Variants in TRIM2 observed in about 807,000 individuals in gnomAD.
TRIM2 encodes tripartite motif containing 2, also known as tripartite motif-containing protein 2.
In TRIM2, 20 loss-of-function variants were observed where a neutral mutation model predicts 75.2. The ratio of observed to expected loss-of-function variants is 0.27; its 90% CI spans 0.19 to 0.39. The LOEUF (loss-of-function observed/expected upper bound fraction) is 0.39, where lower values mean the gene tolerates loss of function less well. TRIM2 is among the 10% of genes least tolerant of loss of function. TRIM2 has a pLI of 1.00. For synonymous variants in TRIM2, 373 were observed against 388.3 expected (o/e 0.96, Z 0.46); for missense variants, 660 against 990.8 (o/e 0.67, Z 4.48).
intron 1 of TRIM2, among the ~76,000 whole-genome samples, chr4:153,162,973 G>C (rs1729893319): frequency 6.6e-6 from 1 of 152,166 alleles, no homozygotes; most frequent in African/African-American, 2.4e-5. Context: ...GTCTTTCTAA[G>C]AGGTAAGATT....
At chr4:153,217,845 A>G (rs1030345170) in intron 1 of TRIM2, among the ~76,000 whole-genome samples, 2 of 152,248 alleles carry the variant, frequency 1.3e-5, no homozygotes, top group Admixed American at 6.5e-5. Context: ...ATTTTCTCCA[A>G]GTTCTCCAAA....
In TRIM2 at chr4:153,315,598, C is replaced by T; in HGVS notation, c.1614+10C>T. On this transcript the variant is annotated intron_variant, in intron 7 of 11. Coordinates refer to ENST00000338700, the MANE Select transcript of TRIM2 (RefSeq NM_015271.5). ...CAACCAATGTGTGCAGGTATAGCCC[C>T]TAATTATATACCTTTAACTACTTAT... 6.3e-7 allele frequency: 1 copy of T among 1,583,628 alleles called. No individual in the cohort carries two copies. Among genetic ancestry groups the T allele is most frequent in the East Asian group, 2.2e-5 (1 of 44,468 alleles).
In TRIM2 at chr4:153,164,388, C is replaced by G. The variant is rs573452430; in HGVS notation, c.-49+11118C>G. ...AATACAGCAGTCTCTTTTCTCCTTACTAAAAGAGGCTTCCTCCCTAAAGAC... is the reference window on the plus strand; with the variant it reads ...AATACAGCAGTCTCTTTTCTCCTTAGTAAAAGAGGCTTCCTCCCTAAAGAC... On this transcript the variant is annotated intron_variant, in intron 1 of 11. Transcript: ENST00000437508. Among the ~76,000 whole-genome samples, 4 of 152,318 alleles carry G rather than the reference C, an allele frequency of 2.6e-5. No individual in the cohort carries two copies. The South Asian group carries it at 8.3e-4, about 32-fold the overall frequency.
intron 1 of TRIM2, among the ~76,000 whole-genome samples, chr4:153,184,838 T>A (rs1732430400): frequency 6.6e-6 from 1 of 152,226 alleles, no homozygotes; most frequent in Non-Finnish European, 1.5e-5. Flanking sequence ...CATGTTCTGC[T>A]GCCACCTTCA....
chr4:153,160,026 G>C (rs1464134898), intron 1 of TRIM2, among the ~76,000 whole-genome samples: 1 of 152,100 alleles, frequency 6.6e-6, no homozygotes, highest in Non-Finnish European at 1.5e-5. Context: ...TTTTGGTTTG[G>C]TGATGAGTAA....
At chr4:153,309,132 T>C (rs1765678430) in intron 6 of TRIM2, among the ~76,000 whole-genome samples, 1 of 152,186 alleles carries the variant, frequency 6.6e-6, no homozygotes, top group South Asian at 2.1e-4. Context: ...AAATAAAGTA[T>C]CATGTGTTAA....
intron 1 of TRIM2, among the ~76,000 whole-genome samples, chr4:153,199,295 A>G (rs558544847): frequency 1.3e-5 from 2 of 152,302 alleles, no homozygotes; most frequent in African/African-American, 4.8e-5. Flanking sequence ...GTTAAAATGA[A>G]CTGAGTTCAA....
chr4:153,159,133 T>C (rs1037170599), intron 1 of TRIM2, among the ~76,000 whole-genome samples: 25 of 152,302 alleles, frequency 1.6e-4, no homozygotes, highest in African/African-American at 6.0e-4. Context: ...GAGTATTTTT[T>C]TCAGGACAAA....
intron 8 of TRIM2, among the ~76,000 whole-genome samples, chr4:153,317,490 T>C (rs1767929974): frequency 1.3e-5 from 2 of 149,684 alleles, no homozygotes; most frequent in Non-Finnish European, 3.0e-5. Flanking sequence ...CTACTAAAAA[T>C]ACAAAAAAAT....
intron 8 of TRIM2, among the ~76,000 whole-genome samples, chr4:153,321,092 G>GCGT (rs1768871216): frequency 6.6e-6 from 1 of 152,094 alleles, no homozygotes; most frequent in South Asian, 2.1e-4. Flanking sequence ...GTCTGCTGTG[G>GCGT]CGTCATCAAG....
intron 1 of TRIM2, among the ~76,000 whole-genome samples, chr4:153,174,066 C>T (rs930459301): frequency 3.8e-5 from 2 of 53,284 alleles, no homozygotes; most frequent in African/African-American, 2.2e-4. Context: ...AGCCCCAGGC[C>T]CCCGGGTGGG....
chr4:153,295,761 A>G lies in TRIM2; in HGVS notation c.1235A>G (p.Lys412Arg). Residue 412 changes from lysine to arginine, a missense_variant, in exon 6 of 12, where the codon AAG becomes AGG. By Grantham distance (26) the Lys-to-Arg change is conservative. Transcript: ENST00000338700. The surrounding 1 kb of genome is among the most constrained non-coding windows in gnomAD (Gnocchi z 7.2). Reference sequence around the variant, plus strand: ...GCAGACGGGGAGATCCTGGACAACAAGAACGGCACCTATGAGTTTTTGTAC... The same window carrying G: ...GCAGACGGGGAGATCCTGGACAACAGGAACGGCACCTATGAGTTTTTGTAC... Reference protein sequence around the residue: ...SVADGEILDNKNGTYEFLYTV... With the variant: ...SVADGEILDNRNGTYEFLYTV... The G allele has an allele frequency of 1.2e-6, 2 of 1,614,102 alleles. No homozygotes were observed. The highest frequency in any genetic ancestry group is 8.5e-7 in the Non-Finnish European group (1 of 1,180,002).
At chr4:153,264,920 C>G (rs147881145) in intron 1 of TRIM2, among the ~76,000 whole-genome samples, 2 of 152,272 alleles carry the variant, frequency 1.3e-5, no homozygotes, top group African/African-American at 4.8e-5. Flanking sequence ...ATCTGTGATA[C>G]TGTCATGATT....
At chr4:153,203,519 C>T (rs1463366680), upstream of TRIM2, among the ~76,000 whole-genome samples, 2 of 151,058 alleles carry the variant, frequency 1.3e-5, no homozygotes, top group East Asian at 3.9e-4. Flanking sequence ...TAAAGATGTA[C>T]CAATCTTGCA....
intron 1 of TRIM2, among the ~76,000 whole-genome samples, chr4:153,268,678 GC>G (rs781713790): frequency 8.5e-5 from 13 of 152,202 alleles, no homozygotes; most frequent in Non-Finnish European, 1.3e-4. Flanking sequence ...CGGTGTAGAA[GC>G]CAGGAATTCT....
At chr4:153,201,612 G>A (rs866938212), upstream of TRIM2, among the ~76,000 whole-genome samples, 14 of 152,166 alleles carry the variant, frequency 9.2e-5, no homozygotes, top group Middle Eastern at 3.4e-3. Context: ...GCTTGAGGAT[G>A]GGAGGTAAAA....
At chr4:153,159,136 A>G (rs1025529683) in intron 1 of TRIM2, among the ~76,000 whole-genome samples, 1 of 152,174 alleles carries the variant, frequency 6.6e-6, no homozygotes, top group African/African-American at 2.4e-5. Flanking sequence ...TATTTTTTTC[A>G]GGACAAAGAC....
At chr4:153,256,813 T>G (rs542290024) in intron 1 of TRIM2, among the ~76,000 whole-genome samples, 1 of 152,338 alleles carries the variant, frequency 6.6e-6, no homozygotes, top group South Asian at 2.1e-4. Context: ...AGAAATGTCA[T>G]TGCATGATTT....
At chr4:153,238,144 G>C (rs1390932090) in intron 1 of TRIM2, among the ~76,000 whole-genome samples, 2 of 152,162 alleles carry the variant, frequency 1.3e-5, no homozygotes, top group Non-Finnish European at 2.9e-5. Flanking sequence ...TCTAACCCCT[G>C]GGTAAGGGTG....
Sources: gnomAD v4.1 joint callset for allele counts (sites outside exome capture counted in the v4.1 genomes callset) on GRCh38, gnomAD v4.1.1 for gene constraint, Gnocchi (gnomAD v3.1) non-coding constraint, MANE v1.5 for transcripts, NCBI Gene and HGNC (gene_info 2026-07-23, HGNC 2026-07-21) for gene names.